Variants in ZFHX3 observed in about 807,000 individuals in gnomAD.
ZFHX3 encodes the protein zinc finger homeobox protein 3.
A neutral mutation model predicts 279.1 loss-of-function variants in ZFHX3; 42 were observed. That is an observed-to-expected ratio of 0.15 (90% CI 0.12 to 0.19). The LOEUF is 0.19. Among genes scored for constraint, ZFHX3 ranks in the 10% least tolerant of loss-of-function variants. The pLI, the probability that ZFHX3 is intolerant of heterozygous loss-of-function variation, is 1.00. For missense variants in ZFHX3, 4,981 were observed against 4,754.0 expected (o/e 1.05, Z -1.40); for synonymous variants, 2,293 against 1,957.8 (o/e 1.17, Z -4.52).
chr16:73,533,222 G>T (rs1355692319), intron 2 of ZFHX3, among the ~76,000 whole-genome samples: 2 of 151,398 alleles, frequency 1.3e-5, no homozygotes, highest in Non-Finnish European at 2.9e-5. Flanking sequence ...TTTTGCGGAG[G>T]GCTTGGCTTC....
At chr16:73,333,697 C>A (rs1033363566) in intron 3 of ZFHX3, among the ~76,000 whole-genome samples, 1 of 146,054 alleles carries the variant, frequency 6.8e-6, no homozygotes, top group African/African-American at 2.5e-5. Context: ...AGCAAAAGAA[C>A]TGGAAAAGGA....
intron 1 of ZFHX3, among the ~76,000 whole-genome samples, chr16:73,032,601 T>A (rs1597115402): frequency 6.6e-6 from 1 of 152,160 alleles, no homozygotes; most frequent in East Asian, 1.9e-4. Context: ...GCAGCTTTCC[T>A]CTTCAGTGCT....
chr16:73,565,932 C>A (rs925189390), intron 2 of ZFHX3, among the ~76,000 whole-genome samples: 3 of 152,084 alleles, frequency 2.0e-5, no homozygotes, highest in African/African-American at 7.2e-5. Flanking sequence ...TAAAAAGTAA[C>A]ACATAAAAAT....
chr16:73,588,069 G>A (rs765775213), intron 2 of ZFHX3, among the ~76,000 whole-genome samples: 1 of 151,344 alleles, frequency 6.6e-6, no homozygotes, highest in Non-Finnish European at 1.5e-5. Context: ...CTGAATACAT[G>A]CAGTTAAACT....
chr16:73,850,235 CCCACATG>C (rs1191752856), intron 1 of ZFHX3, among the ~76,000 whole-genome samples: 1 of 152,170 alleles, frequency 6.6e-6, no homozygotes, highest in African/African-American at 2.4e-5. Flanking sequence ...TAGTTATTAA[CCCACATG>C]CTGTTGGGCA....
At chr16:73,538,149 G>A (rs772746408) in intron 2 of ZFHX3, among the ~76,000 whole-genome samples, 11 of 152,146 alleles carry the variant, frequency 7.2e-5, no homozygotes, top group East Asian at 1.9e-4. Flanking sequence ...ACCTCATCAC[G>A]GCAGCACATG....
intron 1 of ZFHX3, among the ~76,000 whole-genome samples, chr16:73,009,786 C>T (rs563084551): frequency 6.6e-6 from 1 of 152,072 alleles, no homozygotes; most frequent in East Asian, 1.9e-4. Context: ...TTTCAGAGGC[C>T]GACGCAGGCG....
intron 5 of ZFHX3, among the ~76,000 whole-genome samples, chr16:73,195,459 C>T (rs1041428720): frequency 1.4e-5 from 2 of 140,178 alleles, no homozygotes; most frequent in African/African-American, 5.3e-5. Flanking sequence ...TGCTCTGTCA[C>T]CCAGGCTGGA....
chr16:73,871,835 G>C (rs1254043987), intron 1 of ZFHX3, among the ~76,000 whole-genome samples: 3 of 152,090 alleles, frequency 2.0e-5, no homozygotes, highest in Admixed American at 6.6e-5. Flanking sequence ...ACCTTGAAAA[G>C]CAACAAGCAG....
chr16:73,845,986 A>G (rs1227264027), intron 1 of ZFHX3, among the ~76,000 whole-genome samples: 1 of 152,104 alleles, frequency 6.6e-6, no homozygotes, highest in Non-Finnish European at 1.5e-5. Flanking sequence ...TAATGTAGAG[A>G]CAGGGTCTTA....
chr16:72,879,359 C>T (rs1006200292), intron 4 of ZFHX3, among the ~76,000 whole-genome samples: 12 of 152,196 alleles, frequency 7.9e-5, no homozygotes, highest in African/African-American at 2.9e-4. Context: ...AGCACAAACA[C>T]CACACACAAG....
chr16:73,792,166 C>T (rs553357124), intron 1 of ZFHX3, among the ~76,000 whole-genome samples: 24 of 152,270 alleles, frequency 1.6e-4, no homozygotes, highest in African/African-American at 4.3e-4. Flanking sequence ...GCATTTAATA[C>T]GCAGCATGAA....
At chr16:73,833,786 A>G (rs1456669800) in intron 1 of ZFHX3, among the ~76,000 whole-genome samples, 1 of 149,844 alleles carries the variant, frequency 6.7e-6, no homozygotes, top group Non-Finnish European at 1.5e-5. Context: ...AAAGATAATA[A>G]CTACATCATA....
At position 73,465,298 on chromosome 16, in the gene ZFHX3, G is replaced by A. The variant is rs547504965; in HGVS notation, c.-1546-9040C>T. Among the ~76,000 whole-genome samples the A allele has an allele frequency of 6.6e-5, 10 of 152,300 alleles. No individual in the cohort carries two copies. The South Asian group carries it at 8.3e-4, about 13-fold the overall frequency. On this transcript the variant is annotated intron_variant, in intron 2 of 17. Coordinates refer to the ZFHX3 transcript ENST00000641206. The stretch of plus-strand genomic sequence containing the variant: ...AGAATGGCTAAAATCTAGATGGAGG[G>A]TCTGAGGGCTAAGCCAAGTCTTCAG...
rs115919065 is a variant in ZFHX3, at chr16:72,983,264, A to G, written c.-49-23070T>C. On this transcript the variant is annotated intron_variant, in intron 1 of 9. Coordinates refer to ENST00000268489, the MANE Select transcript of ZFHX3 (RefSeq NM_006885.4). ...AGTGACATTTTTAGGAAGAGCATTA[A>G]TGCGGAAAACAAACCTTTCCAATTC... is the stretch of plus-strand genomic sequence containing the variant. Among the ~76,000 whole-genome samples, 479 of 152,370 alleles carry G rather than the reference A, an allele frequency of 3.1e-3. 1 individual carries two copies. Among genetic ancestry groups the G allele is most frequent in the African/African-American group, 0.011 (469 of 41,592 alleles).
intron 1 of ZFHX3, among the ~76,000 whole-genome samples, chr16:73,684,291 A>G (rs1220303978): frequency 4.6e-5 from 7 of 152,030 alleles, no homozygotes; most frequent in Non-Finnish European, 8.8e-5. Flanking sequence ...GTCCATTATT[A>G]ATATGATTAC....
At chr16:73,055,187 A>G (rs1433519637) in intron 1 of ZFHX3, among the ~76,000 whole-genome samples, 1 of 151,338 alleles carries the variant, frequency 6.6e-6, no homozygotes, top group Admixed American at 6.6e-5. Flanking sequence ...ACTGTCTTGC[A>G]TATTCAAAGC....
chr16:73,308,516 C>T (rs930453022), intron 4 of ZFHX3, among the ~76,000 whole-genome samples: 3 of 151,810 alleles, frequency 2.0e-5, no homozygotes, highest in South Asian at 4.1e-4. Flanking sequence ...GTCTCGAACT[C>T]CTGACCAGGT....
At chr16:73,417,988 CAAAAAAAAAAAAAAA>C (rs71156161) in intron 3 of ZFHX3, among the ~76,000 whole-genome samples, 155 of 57,858 alleles carry the variant, frequency 2.7e-3, no homozygotes, top group African/African-American at 0.012. Context: ...GACTCCATCT[CAAAAAAAAAAAAAAA>C]AAAAAAAAAG....
Sources: allele counts gnomAD v4.1 joint callset (sites outside exome capture counted in the v4.1 genomes callset), GRCh38; gene constraint gnomAD v4.1.1; transcripts MANE v1.5; gene names NCBI Gene and HGNC (gene_info 2026-07-23, HGNC 2026-07-21).